The following C10orf90 variants were observed in gnomAD, a reference collection of about 807,000 sequenced individuals.
C10orf90 encodes (E2-independent) E3 ubiquitin-conjugating enzyme FATS.
C10orf90 carries 56 observed loss-of-function variants against 62.5 expected under a neutral mutation model. That is an observed-to-expected ratio of 0.90 (90% CI 0.72 to 1.12). The LOEUF is 1.12. Ranked by LOEUF, C10orf90 falls within the 50% of genes most tolerant of loss-of-function variation. The pLI is 0.00. For missense variants in C10orf90, 970 were observed against 880.4 expected (o/e 1.10, Z -1.29); for synonymous variants, 386 against 340.4 (o/e 1.13, Z -1.47).
intron 2 of C10orf90, among the ~76,000 whole-genome samples, chr10:126,552,487 C>T (rs941326234): frequency 2.0e-5 from 3 of 152,222 alleles, no homozygotes; most frequent in African/African-American, 7.2e-5. Flanking sequence ...GAGAGTCCTC[C>T]TGCCAAACAG....
chr10:126,670,516 T>C lies in C10orf90; in HGVS notation c.-36A>G, dbSNP rs368990618. Reference sequence around the variant, plus strand: ...ATCTTGTGACTTTAGCTAGTGAGACTGGCAAACACAATTTTCTTTGTTTAA... The same window carrying C: ...ATCTTGTGACTTTAGCTAGTGAGACCGGCAAACACAATTTTCTTTGTTTAA... On this transcript the variant is annotated 5_prime_UTR_variant, in exon 1 of 10. Coordinates refer to ENST00000488181, the MANE Select transcript of C10orf90 (RefSeq NM_001350921.2). The C allele has an allele frequency of 1.8e-5, 8 of 453,146 alleles. No homozygotes were observed. The highest frequency in any genetic ancestry group is 6.5e-4 in the Middle Eastern group (2 of 3,084). The allele number at this position is 453,146 out of a possible 1,614,324, so 28.1% of individuals were successfully genotyped here.
At chr10:126,661,153 A>C (rs1410547859) in intron 1 of C10orf90, among the ~76,000 whole-genome samples, 3 of 152,170 alleles carry the variant, frequency 2.0e-5, no homozygotes, top group Non-Finnish European at 4.4e-5. Context: ...CAGCATCCAT[A>C]AAGTACTAGT....
chr10:126,592,235 G>A (rs778980642), intron 2 of C10orf90, among the ~76,000 whole-genome samples: 3 of 152,086 alleles, frequency 2.0e-5, no homozygotes, highest in Admixed American at 6.6e-5. Flanking sequence ...AGCCCAAATA[G>A]CCAAGACAAT....
chr10:126,624,521 A>G (rs1845705993), intron 2 of C10orf90, among the ~76,000 whole-genome samples: 1 of 152,170 alleles, frequency 6.6e-6, no homozygotes, highest in Non-Finnish European at 1.5e-5. Context: ...CAAAATTGCT[A>G]AAAAGGCTAA....
At chr10:126,446,502 A>G (rs184390371) in intron 7 of C10orf90, among the ~76,000 whole-genome samples, 1 of 152,276 alleles carries the variant, frequency 6.6e-6, no homozygotes, top group East Asian at 1.9e-4. Context: ...TGGGGGGAAA[A>G]AAATCTGTCA....
chr10:126,507,901 C>T (rs1434429666), intron 3 of C10orf90, among the ~76,000 whole-genome samples: 1 of 152,078 alleles, frequency 6.6e-6, no homozygotes, highest in African/African-American at 2.4e-5. Flanking sequence ...AACTGAAATG[C>T]ACCTGCTGCC....
chr10:126,565,056 T>C (rs1265492373), intron 2 of C10orf90, among the ~76,000 whole-genome samples: 1 of 26,428 alleles, frequency 3.8e-5, no homozygotes, highest in South Asian at 1.5e-3. Flanking sequence ...ATATAATATA[T>C]AAAATATATA....
chr10:126,453,113 AT>A lies in C10orf90; in HGVS notation c.2188+5926del, dbSNP rs1349009004. On this transcript the variant is annotated intron_variant, in intron 7 of 9. Coordinates refer to ENST00000488181, the MANE Select transcript of C10orf90 (RefSeq NM_001350921.2). This position sits in a 1 kb window ranked among gnomAD's most constrained non-coding sequence, Gnocchi z 4.9. ...AACCAAGAATCATCAGGGAAAGAAG[AT>A]TTGTTGGAGAAGGAATTCTGCCGTG... Among the ~76,000 whole-genome samples the A allele has an allele frequency of 6.6e-6, 1 of 152,152 alleles. No individual in the cohort carries two copies. Among genetic ancestry groups the A allele is most frequent in the East Asian group, 1.9e-4 (1 of 5,178 alleles).
chr10:126,625,837 G>T (rs1483514400), intron 2 of C10orf90, among the ~76,000 whole-genome samples: 1 of 152,138 alleles, frequency 6.6e-6, no homozygotes, highest in African/African-American at 2.4e-5. Flanking sequence ...CAGGTGGGCT[G>T]GGCGCAGTGG....
intron 2 of C10orf90, among the ~76,000 whole-genome samples, chr10:126,555,448 G>T (rs7913560): frequency 0.035 from 5,378 of 152,000 alleles, 187 homozygotes; most frequent in African/African-American, 0.089. Flanking sequence ...TGAGGCAGGC[G>T]CGATCACTTG....
chr10:126,549,736 C>A (rs373695310), intron 2 of C10orf90, among the ~76,000 whole-genome samples: 2 of 110,638 alleles, frequency 1.8e-5, no homozygotes, highest in Non-Finnish European at 1.8e-5. Flanking sequence ...CATCTTTATT[C>A]ATAATAGCAA....
At chr10:126,619,277 G>T (rs1218504374) in intron 2 of C10orf90, among the ~76,000 whole-genome samples, 2 of 152,090 alleles carry the variant, frequency 1.3e-5, no homozygotes, top group Non-Finnish European at 2.9e-5. Flanking sequence ...CGCCCTCCAG[G>T]ACACATAGGC....
At chr10:126,548,472 T>G (rs905924729) in intron 2 of C10orf90, among the ~76,000 whole-genome samples, 1 of 152,156 alleles carries the variant, frequency 6.6e-6, no homozygotes, top group Non-Finnish European at 1.5e-5. Flanking sequence ...GTTCAAGCGA[T>G]TCTCCTGCCT....
rs183152564 is a variant in C10orf90, at chr10:126,577,526, C to T, written c.314-63587G>A. ...TTAAAAATTATTGAAGTAGACAAAA[C>T]ACAAATAAATGGAGGAATATACCAT... On this transcript the variant is annotated intron_variant, in intron 2 of 9. Transcript: ENST00000488181. Among the ~76,000 whole-genome samples, 10 of 151,976 alleles carry T rather than the reference C, an allele frequency of 6.6e-5. No homozygotes were observed. The East Asian group carries it at 1.7e-3, about 26-fold the overall frequency.
At chr10:126,512,987 T>G (rs1382176363) in intron 3 of C10orf90, among the ~76,000 whole-genome samples, 1 of 152,190 alleles carries the variant, frequency 6.6e-6, no homozygotes, top group African/African-American at 2.4e-5. Flanking sequence ...TTTTAACAGG[T>G]ATCTTTGCCA....
intron 2 of C10orf90, among the ~76,000 whole-genome samples, chr10:126,610,039 A>T (rs1053938904): frequency 6.6e-6 from 1 of 152,028 alleles, no homozygotes; most frequent in African/African-American, 2.4e-5. Flanking sequence ...GGCCCTCAGG[A>T]TCATGAGTGT....
At chr10:126,519,385 C>G (rs1863620065) in intron 2 of C10orf90, among the ~76,000 whole-genome samples, 1 of 152,180 alleles carries the variant, frequency 6.6e-6, no homozygotes, top group Non-Finnish European at 1.5e-5. Context: ...AGCAGACAAG[C>G]ACCATCATGT....
rs1399873320 is a variant in C10orf90, at chr10:126,464,766, G to C, written c.1755C>G (p.Cys585Trp). Residue 585 changes from cysteine (C) to tryptophan (W), a missense_variant, in exon 5 of 10, where the codon TGC becomes TGG. Transcript: ENST00000488181. ...GAGATGCACATACATCTTGTAAGGG[G>C]CAAAGAAACCCAGGAAAAAGGATTC... ...KPRILFPGFLCPLQDVCASLQ... is the reference protein window; with the variant it reads ...KPRILFPGFLWPLQDVCASLQ... 5.6e-6 allele frequency: 9 copies of C among 1,614,054 alleles called. No homozygotes were observed. Among genetic ancestry groups the C allele is most frequent in the Non-Finnish European group, 7.6e-6 (9 of 1,179,994 alleles).
At chr10:126,454,491 A>G (rs1306510395) in intron 7 of C10orf90, among the ~76,000 whole-genome samples, 5 of 151,792 alleles carry the variant, frequency 3.3e-5, no homozygotes, top group Non-Finnish European at 7.4e-5. Flanking sequence ...CTGTGCCCCT[A>G]CGACCTGCAG....
Sources: allele counts gnomAD v4.1 joint callset (sites outside exome capture counted in the v4.1 genomes callset), GRCh38; gene constraint gnomAD v4.1.1; non-coding constraint Gnocchi (gnomAD v3.1); transcripts MANE v1.5; gene names NCBI Gene and HGNC (gene_info 2026-07-23, HGNC 2026-07-21).